EVA1C: variants seen among roughly 807,000 people sequenced by gnomAD.
The protein encoded by EVA1C is protein eva-1 homolog C.
EVA1C carries 25 observed loss-of-function variants against 45.4 expected under a neutral mutation model. The observed-to-expected ratio is 0.55, with a 90% CI of 0.40 to 0.77. EVA1C has a LOEUF of 0.77. Ranked by LOEUF, EVA1C falls within the 30% of genes least tolerant of loss-of-function variation. EVA1C has a pLI of 0.00. For missense variants in EVA1C, 479 were observed against 554.8 expected (o/e 0.86, Z 1.37); for synonymous variants, 190 against 221.2 (o/e 0.86, Z 1.25).
intron 4 of EVA1C, among the ~76,000 whole-genome samples, chr21:32,480,822 T>A (rs1408904136): frequency 6.6e-6 from 1 of 151,698 alleles, no homozygotes; most frequent in Non-Finnish European, 1.5e-5. Context: ...AATTAGCTGG[T>A]CATGGTGGCA....
At chr21:32,512,070 A>G (rs2037974283) in intron 7 of EVA1C, among the ~76,000 whole-genome samples, 1 of 152,182 alleles carries the variant, frequency 6.6e-6, no homozygotes, top group South Asian at 2.1e-4. Context: ...AGGAATACAT[A>G]GAGACGGAAA....
intron 3 of EVA1C, 80 bp from the exon 4 acceptor site, chr21:32,467,616 G>A: frequency 7.1e-7 from 1 of 1,408,632 alleles, no homozygotes; most frequent in Non-Finnish European, 9.5e-7. Context: ...CCGGGGAAAT[G>A]AGCAATGGGA....
At chr21:32,414,334 G>A (rs907563148) in intron 1 of EVA1C, among the ~76,000 whole-genome samples, 16 of 152,072 alleles carry the variant, frequency 1.1e-4, no homozygotes, top group Non-Finnish European at 1.9e-4. Context: ...AACTTTCTTG[G>A]CTGCTAGAAA....
intron 4 of EVA1C, among the ~76,000 whole-genome samples, chr21:32,470,761 T>TTTTTCG (rs1055826887): frequency 7.1e-6 from 1 of 140,258 alleles, no homozygotes; most frequent in African/African-American, 2.7e-5. Flanking sequence ...TTTCTTTTTC[T>TTTTTCG]TTCTTTTTTT....
intron 1 of EVA1C, among the ~76,000 whole-genome samples, chr21:32,420,392 C>A (rs376928071): frequency 6.6e-6 from 1 of 152,202 alleles, no homozygotes; most frequent in East Asian, 1.9e-4. Context: ...AAAAAATTAT[C>A]TTTTACTTTT....
chr21:32,453,601 T>A (rs2035668738), intron 2 of EVA1C, 93 bp downstream of exon 2: 4 of 968,894 alleles, frequency 4.1e-6, no homozygotes, highest in Non-Finnish European at 4.5e-6. Flanking sequence ...ATTATATAGT[T>A]CAATCCAAGC....
intron 6 of EVA1C, 24 bp downstream of exon 6, chr21:32,501,519 G>A (rs1364348544): frequency 6.3e-7 from 1 of 1,592,282 alleles, no homozygotes; most frequent in African/African-American, 1.3e-5. Context: ...CTTACTACCA[G>A]CATTTCTCTT....
At chr21:32,432,256 T>A (rs1252495198) in intron 1 of EVA1C, among the ~76,000 whole-genome samples, 1 of 152,108 alleles carries the variant, frequency 6.6e-6, no homozygotes, top group Non-Finnish European at 1.5e-5. Context: ...TGTTGATCAT[T>A]CAGTGAAGGT....
intron 1 of EVA1C, among the ~76,000 whole-genome samples, chr21:32,416,705 G>T (rs1225328475): frequency 2.0e-5 from 3 of 152,074 alleles, no homozygotes. Context: ...GGTAGAGGTG[G>T]GGAGGAAGGA....
intron 1 of EVA1C, among the ~76,000 whole-genome samples, chr21:32,426,250 A>G (rs1297496562): frequency 6.6e-6 from 1 of 152,108 alleles, no homozygotes; most frequent in Non-Finnish European, 1.5e-5. Flanking sequence ...AAAGTGAAAT[A>G]TTGCTCTGGA....
In EVA1C at chr21:32,446,071, C is replaced by G. The variant is rs182094870; in HGVS notation, c.161-7241C>G. On this transcript the variant is annotated intron_variant, in intron 1 of 7. Coordinates refer to ENST00000300255, the MANE Select transcript of EVA1C (RefSeq NM_058187.5). ...CCAGCCTGGCCAACATGGTGAAACC[C>G]CGTCTCTACTAAAAATAAAAAAATA... Among the ~76,000 whole-genome samples, 329 of 152,136 alleles carry G rather than the reference C, an allele frequency of 2.2e-3. 1 individual carries two copies. The highest frequency in any genetic ancestry group is 7.5e-3 in the African/African-American group (311 of 41,504).
chr21:32,502,023 TCTTTCTTTCTTTCTTTCTTTC>T, intron 6 of EVA1C, among the ~76,000 whole-genome samples: 1 of 142,142 alleles, frequency 7.0e-6, no homozygotes, highest in Admixed American at 7.1e-5. Flanking sequence ...TTTCTTTCTT[TCTTTCTTTCTTTCTTTCTTTC>T]TTTCTTTCTT....
At position 32,452,932 on chromosome 21, in the gene EVA1C, T is replaced by C. The variant is rs111400992; in HGVS notation, c.161-380T>C. 0.024 allele frequency: 4,116 copies of C among 169,888 alleles called. 168 individuals carry two copies. The highest frequency in any genetic ancestry group is 0.088 in the African/African-American group (3,731 of 42,238). 10.5% of individuals were successfully genotyped at this position (169,888 alleles called of 1,614,324 possible). On this transcript the variant is annotated intron_variant, in intron 1 of 7. Transcript: ENST00000300255. The surrounding 1 kb of genome is among the most constrained non-coding windows in gnomAD (Gnocchi z 4.0). Reference sequence around the variant, plus strand: ...GCCCACTAGGGTCTTGGGTTTTTTATGGGCACAGGATGGGGGTCATGGCAG... The same window carrying C: ...GCCCACTAGGGTCTTGGGTTTTTTACGGGCACAGGATGGGGGTCATGGCAG...
At chr21:32,432,892 T>C (rs1418721627) in intron 1 of EVA1C, among the ~76,000 whole-genome samples, 2 of 152,038 alleles carry the variant, frequency 1.3e-5, no homozygotes, top group East Asian at 3.9e-4. Flanking sequence ...GGCTGATTTA[T>C]TTTATTTATT....
At chr21:32,481,017 G>A (rs907611672) in intron 4 of EVA1C, among the ~76,000 whole-genome samples, 2 of 151,932 alleles carry the variant, frequency 1.3e-5, no homozygotes, top group African/African-American at 4.8e-5. Flanking sequence ...CCATTGAGAG[G>A]GAAGAACATT....
intron 5 of EVA1C, among the ~76,000 whole-genome samples, chr21:32,499,844 C>T (rs1180006695): frequency 6.6e-6 from 1 of 152,216 alleles, no homozygotes; most frequent in Non-Finnish European, 1.5e-5. Flanking sequence ...CCCTCTGTTT[C>T]AGCGGGTGCT....
intron 1 of EVA1C, among the ~76,000 whole-genome samples, chr21:32,413,304 G>A (rs1368030746): frequency 6.6e-6 from 1 of 152,252 alleles, no homozygotes; most frequent in African/African-American, 2.4e-5. Context: ...AGCCACGCTC[G>A]TTCTATGGAG....
intron 4 of EVA1C, among the ~76,000 whole-genome samples, chr21:32,478,900 C>A (rs556073208): frequency 2.6e-5 from 4 of 152,374 alleles, no homozygotes; most frequent in African/African-American, 9.6e-5. Context: ...CACTCCGAGG[C>A]CAAGTGTGGG....
Position 32,514,935 on chromosome 21 carries a change from G to A in EVA1C, c.1071G>A (p.Gly357=). 1 of 1,614,164 alleles carries A rather than the reference G, an allele frequency of 6.2e-7. No individual in the cohort carries two copies. Among genetic ancestry groups the A allele is most frequent in the Non-Finnish European group, 8.5e-7 (1 of 1,180,040 alleles). The change falls in exon 8 of 8, where the codon GGG becomes GGA. Residue 357 remains glycine (G), a synonymous_variant. Coordinates refer to ENST00000300255, the MANE Select transcript of EVA1C (RefSeq NM_058187.5). The part of the protein sequence containing the change: ...CAKDFRDLQL[G]REQLVPGSDK... ...AGGACTTCCGCGACTTGCAGCTGGGGAGGGAGCAGCTGGTGCCAGGAAGTG... is the reference window on the plus strand; with the variant it reads ...AGGACTTCCGCGACTTGCAGCTGGGAAGGGAGCAGCTGGTGCCAGGAAGTG...
Sources: gnomAD v4.1 joint callset for allele counts (sites outside exome capture counted in the v4.1 genomes callset) on GRCh38, gnomAD v4.1.1 for gene constraint, Gnocchi (gnomAD v3.1) non-coding constraint, MANE v1.5 for transcripts, NCBI Gene and HGNC (gene_info 2026-07-23, HGNC 2026-07-21) for gene names.